MAD1L1: variants seen among roughly 807,000 people sequenced by gnomAD.
MAD1L1 encodes the protein mitotic spindle assembly checkpoint protein MAD1.
A neutral mutation model predicts 96.9 loss-of-function variants in MAD1L1; 95 were observed. The ratio of observed to expected loss-of-function variants is 0.98; its 90% confidence interval spans 0.83 to 1.16. MAD1L1 has a LOEUF of 1.16. Ranked by LOEUF, MAD1L1 falls within the 50% of genes most tolerant of loss-of-function variation. MAD1L1 has a pLI of 0.00. For synonymous variants in MAD1L1, 473 were observed against 396.6 expected, an observed-to-expected ratio of 1.19 and a Z score of -2.29; for missense variants, 1,007 against 954.4, an observed-to-expected ratio of 1.06 and a Z score of -0.73.
chr7:2,039,602 ATG>A (rs943490057), intron 12 of MAD1L1, among the ~76,000 whole-genome samples: 6 of 152,154 alleles, frequency 3.9e-5, no homozygotes, highest in African/African-American at 1.4e-4. Context: ...CTCATGACTA[ATG>A]ATGTTGAACA....
At chr7:2,051,191 T>C (rs537995185) in intron 12 of MAD1L1, among the ~76,000 whole-genome samples, 3 of 152,176 alleles carry the variant, frequency 2.0e-5, no homozygotes, top group East Asian at 3.9e-4. Context: ...CAGGCCCTGC[T>C]TGTGTCCCCC....
chr7:2,172,831 G>A (rs1331442273), intron 10 of MAD1L1, among the ~76,000 whole-genome samples: 8 of 152,230 alleles, frequency 5.3e-5, no homozygotes, highest in Non-Finnish European at 8.8e-5. Flanking sequence ...CTCCCGTGGG[G>A]CGAAGTCAGA....
At chr7:1,927,753 T>C (rs114002881) in intron 17 of MAD1L1, among the ~76,000 whole-genome samples, 229 of 152,212 alleles carry the variant, frequency 1.5e-3, no homozygotes, top group African/African-American at 5.0e-3. Context: ...AGAAAAAATA[T>C]GTTTGGCCTG....
chr7:2,010,899 G>A (rs1044524738), intron 13 of MAD1L1, among the ~76,000 whole-genome samples: 12 of 152,182 alleles, frequency 7.9e-5, no homozygotes, highest in Admixed American at 1.3e-4. Flanking sequence ...AGGAGTGTGA[G>A]TGGGGGACAG....
chr7:1,937,534 A>T (rs1402667698), intron 16 of MAD1L1, among the ~76,000 whole-genome samples: 2 of 152,150 alleles, frequency 1.3e-5, no homozygotes, highest in African/African-American at 4.8e-5. Context: ...AGCAACAAGC[A>T]CCATGCAGCC....
At chr7:1,842,221 C>T (rs1287993759) in intron 18 of MAD1L1, among the ~76,000 whole-genome samples, 3 of 152,208 alleles carry the variant, frequency 2.0e-5, no homozygotes, top group East Asian at 3.9e-4. Flanking sequence ...TCTGCAACTA[C>T]CATGCCGGTA....
At chr7:1,847,941 G>C (rs1253817805) in intron 18 of MAD1L1, 1 of 352,860 alleles carries the variant, frequency 2.8e-6, no homozygotes, top group African/African-American at 2.1e-5. Flanking sequence ...GTTTCTCCAG[G>C]GCTAACAGGC....
At chr7:2,225,339 G>A (rs1793831704) in intron 4 of MAD1L1, 71 bp downstream of exon 4, 1 of 1,547,000 alleles carries the variant, frequency 6.5e-7, no homozygotes, top group Non-Finnish European at 8.8e-7. Flanking sequence ...CTTATAACCT[G>A]GCAGGTACCG....
In MAD1L1 at chr7:1,981,315, CAG is replaced by C. The variant is rs746471678; in HGVS notation, c.1417-776_1417-775del. On this transcript the variant is annotated intron_variant, in intron 14 of 18. Transcript: ENST00000265854. ...CCTACACACCTAGGGTGGGAGGCAT[CAG>C]GGGCAGCAGACGGTGGGGAGGCCAG... 7.1e-4 allele frequency among the ~76,000 whole-genome samples: 108 copies of C among 152,260 alleles called. No individual in the cohort carries two copies. The East Asian group carries it at 8.7e-3, about 12-fold the overall frequency.
At chr7:1,915,715 GAA>G (rs1360913212) in intron 17 of MAD1L1, among the ~76,000 whole-genome samples, 1 of 152,242 alleles carries the variant, frequency 6.6e-6, no homozygotes, top group Admixed American at 6.5e-5. Flanking sequence ...CACGGGGAAA[GAA>G]AAGTCTTTTC....
intron 10 of MAD1L1, among the ~76,000 whole-genome samples, chr7:2,168,685 G>A (rs1004636442): frequency 7.9e-5 from 12 of 152,242 alleles, no homozygotes; most frequent in Admixed American, 6.5e-4. Context: ...TGAACCAGCC[G>A]CGAGAAGGCA....
At chr7:2,015,372 C>T (rs1782490150) in intron 12 of MAD1L1, among the ~76,000 whole-genome samples, 1 of 152,208 alleles carries the variant, frequency 6.6e-6, no homozygotes, top group Non-Finnish European at 1.5e-5. Flanking sequence ...GCTCAGCTTC[C>T]TGGGATGACA....
intron 15 of MAD1L1, among the ~76,000 whole-genome samples, chr7:1,979,793 C>T (rs970540825): frequency 6.6e-6 from 1 of 152,166 alleles, no homozygotes; most frequent in Admixed American, 6.5e-5. Context: ...CTGAGCCACA[C>T]TCCCGTGCAG....
intron 16 of MAD1L1, among the ~76,000 whole-genome samples, chr7:1,937,626 C>A (rs11978836): frequency 0.023 from 3,289 of 142,458 alleles, 140 homozygotes; most frequent in Admixed American, 0.079. Flanking sequence ...ACAGCCGCCC[C>A]CAGCAGGGAG....
intron 17 of MAD1L1, among the ~76,000 whole-genome samples, chr7:1,901,472 C>T (rs1787240538): frequency 6.6e-6 from 1 of 152,206 alleles, no homozygotes; most frequent in East Asian, 1.9e-4. Flanking sequence ...TGTGCCCGAC[C>T]CCAGCCCTGG....
intron 12 of MAD1L1, among the ~76,000 whole-genome samples, chr7:2,056,114 C>T (rs888522131): frequency 6.6e-6 from 1 of 152,248 alleles, no homozygotes; most frequent in African/African-American, 2.4e-5. Context: ...CCCCCCGACG[C>T]CTCAGCGGGC....
rs550459376 is a variant in MAD1L1, at chr7:2,209,219, C to T, written c.986+3993G>A. The stretch of plus-strand genomic sequence containing the variant: ...CACTGACCCACCCCAGCCAGCCTGC[C>T]CAGCCTCCTCTCCTAAGACATAAGA... On this transcript the variant is annotated intron_variant, in intron 10 of 18. Transcript: ENST00000265854. Among the ~76,000 whole-genome samples the T allele has an allele frequency of 8.5e-5, 13 of 152,306 alleles. No homozygotes were observed. The South Asian group carries it at 2.7e-3, about 32-fold the overall frequency.
chr7:1,929,497 T>A (rs62442910), intron 17 of MAD1L1, among the ~76,000 whole-genome samples: 41,751 of 151,976 alleles, frequency 0.27, 6,438 homozygotes, highest in African/African-American at 0.41. Context: ...CAAGGGTTGT[T>A]TAGTGACTGC....
chr7:2,191,733 A>C (rs2128606912), intron 10 of MAD1L1, among the ~76,000 whole-genome samples: 1 of 151,306 alleles, frequency 6.6e-6, no homozygotes, highest in African/African-American at 2.4e-5. Context: ...TCTGTCTCAA[A>C]AAAATTAAAA....
Sources: allele counts gnomAD v4.1 joint callset (sites outside exome capture counted in the v4.1 genomes callset), GRCh38; gene constraint gnomAD v4.1.1; transcripts MANE v1.5; gene names NCBI Gene and HGNC (gene_info 2026-07-23, HGNC 2026-07-21).